CTNNA2: variants seen among roughly 807,000 people sequenced by gnomAD.
CTNNA2 encodes the protein catenin alpha-2.
In CTNNA2, 42 loss-of-function variants were observed where a neutral mutation model predicts 101.0. That is an observed-to-expected ratio of 0.42 (90% CI 0.32 to 0.54). The LOEUF (loss-of-function observed/expected upper bound fraction) is 0.54. Ranked by LOEUF, CTNNA2 falls within the 20% of genes least tolerant of loss-of-function variation. The pLI, the probability that CTNNA2 is intolerant of heterozygous loss-of-function variation, is 0.14. For synonymous variants in CTNNA2, 450 were observed against 456.4 expected (o/e 0.99, Z 0.18); for missense variants, 871 against 1,223.1 (o/e 0.71, Z 4.29).
intron 3 of CTNNA2, among the ~76,000 whole-genome samples, chr2:79,351,346 T>G (rs1353330852): frequency 6.6e-6 from 1 of 152,192 alleles, no homozygotes; most frequent in Non-Finnish European, 1.5e-5. Flanking sequence ...GGGAGTCTAG[T>G]TTCATTCTCC....
intron 4 of CTNNA2, chr2:79,493,950 A>C (rs1478712079): frequency 6.6e-6 from 1 of 152,198 alleles, no homozygotes; most frequent in Non-Finnish European, 1.5e-5. Flanking sequence ...AAAAAGTATT[A>C]AAATAATAAA....
intron 7 of CTNNA2, among the ~76,000 whole-genome samples, chr2:80,323,859 A>C (rs1678969952): frequency 6.6e-6 from 1 of 152,112 alleles, no homozygotes; most frequent in Non-Finnish European, 1.5e-5. Context: ...AACTCTTTAC[A>C]AGGAATTTGC....
intron 3 of CTNNA2, among the ~76,000 whole-genome samples, chr2:79,822,126 A>G (rs1013693399): frequency 2.6e-5 from 4 of 152,132 alleles, no homozygotes; most frequent in Non-Finnish European, 4.4e-5. Flanking sequence ...AGAAAGTTGT[A>G]CTAATACTAA....
At chr2:79,742,468 G>C (rs1387101008) in intron 2 of CTNNA2, among the ~76,000 whole-genome samples, 1 of 152,184 alleles carries the variant, frequency 6.6e-6, no homozygotes, top group Non-Finnish European at 1.5e-5. Flanking sequence ...AAATGCAGAT[G>C]GTAGAGATGG....
At chr2:79,605,989 T>C (rs1299138902) in intron 1 of CTNNA2, among the ~76,000 whole-genome samples, 1 of 151,980 alleles carries the variant, frequency 6.6e-6, no homozygotes, top group East Asian at 1.9e-4. Flanking sequence ...ATTTTTAAAA[T>C]GCTGAAAGAA....
At chr2:80,260,264 A>G (rs1195912130) in intron 7 of CTNNA2, among the ~76,000 whole-genome samples, 1 of 152,222 alleles carries the variant, frequency 6.6e-6, no homozygotes, top group East Asian at 1.9e-4. Flanking sequence ...ACGACCTGGA[A>G]GATTGATGTT....
At chr2:80,549,191 T>C (rs1003052047) in intron 11 of CTNNA2, among the ~76,000 whole-genome samples, 1 of 152,232 alleles carries the variant, frequency 6.6e-6, no homozygotes, top group African/African-American at 2.4e-5. Context: ...CAATTTTTAA[T>C]AGTATTTTAA....
At chr2:79,286,820 A>G (rs1281040760) in intron 2 of CTNNA2, among the ~76,000 whole-genome samples, 4 of 152,078 alleles carry the variant, frequency 2.6e-5, no homozygotes, top group Non-Finnish European at 5.9e-5. Context: ...AGATTGGGGA[A>G]GTTCTCCTGG....
At chr2:80,599,584 G>C (rs1242032992) in intron 15 of CTNNA2, among the ~76,000 whole-genome samples, 1 of 152,022 alleles carries the variant, frequency 6.6e-6, no homozygotes, top group Non-Finnish European at 1.5e-5. Flanking sequence ...TTCTGTTCAT[G>C]ATGTGGGGAA....
intron 2 of CTNNA2, among the ~76,000 whole-genome samples, chr2:79,218,589 T>C (rs1429035297): frequency 1.3e-5 from 2 of 152,110 alleles, no homozygotes; most frequent in South Asian, 2.1e-4. Context: ...ACAATATAAG[T>C]GTTGCCAGTT....
At chr2:79,298,716 A>C (rs536288608) in intron 2 of CTNNA2, among the ~76,000 whole-genome samples, 1 of 152,242 alleles carries the variant, frequency 6.6e-6, no homozygotes, top group South Asian at 2.1e-4. Context: ...TCTTATCCCC[A>C]AGTCAAAAAT....
At chr2:80,365,842 G>A (rs1034658982) in intron 7 of CTNNA2, among the ~76,000 whole-genome samples, 4 of 152,166 alleles carry the variant, frequency 2.6e-5, no homozygotes, top group Non-Finnish European at 4.4e-5. Context: ...CCCTACAGTA[G>A]CATTGTAATT....
At chr2:80,151,616 C>G (rs934453667) in intron 7 of CTNNA2, among the ~76,000 whole-genome samples, 1 of 152,182 alleles carries the variant, frequency 6.6e-6, no homozygotes, top group Non-Finnish European at 1.5e-5. Context: ...AAGATCTCTG[C>G]CATTGTCTTA....
At chr2:80,646,641 G>A (rs1047740242) in intron 18 of CTNNA2, among the ~76,000 whole-genome samples, 2 of 151,816 alleles carry the variant, frequency 1.3e-5, no homozygotes, top group African/African-American at 2.4e-5. Flanking sequence ...AGAAGATATT[G>A]AATGATCTAG....
chr2:80,043,087 CTTTCTT>C (rs1170681963), intron 7 of CTNNA2, among the ~76,000 whole-genome samples: 490 of 17,404 alleles, frequency 0.028, 7 homozygotes, highest in Non-Finnish European at 0.036. Context: ...TTCTTTCTTT[CTTTCTT>C]TCTCTCTCTC....
At chr2:79,789,257 T>C (rs916670653) in intron 3 of CTNNA2, among the ~76,000 whole-genome samples, 1 of 152,038 alleles carries the variant, frequency 6.6e-6, no homozygotes, top group Non-Finnish European at 1.5e-5. Context: ...GGTCTATAAA[T>C]GTGAAAGGCT....
intron 7 of CTNNA2, among the ~76,000 whole-genome samples, chr2:80,035,180 G>A (rs1672568514): frequency 6.6e-6 from 1 of 152,096 alleles, no homozygotes; most frequent in Non-Finnish European, 1.5e-5. Context: ...ACATAAAGAG[G>A]AGTGTGTGTA....
intron 3 of CTNNA2, among the ~76,000 whole-genome samples, chr2:79,340,833 C>CAAAAAAAAAAAAAAAAAAAAAAAAA (rs56276462): frequency 1.2e-4 from 4 of 32,532 alleles, no homozygotes; most frequent in Non-Finnish European, 2.1e-4. Context: ...GACTCAGTCT[C>CAAAAAAAAAAAAAAAAAAAAAAAAA]AAAAAAAAAA....
At chr2:79,899,868 G>A (rs182028075) in intron 6 of CTNNA2, among the ~76,000 whole-genome samples, 1 of 152,222 alleles carries the variant, frequency 6.6e-6, no homozygotes, top group East Asian at 1.9e-4. Flanking sequence ...TTCATTCCTA[G>A]TGCTACCCCA....
Sources: allele counts gnomAD v4.1 joint callset (sites outside exome capture counted in the v4.1 genomes callset), GRCh38; gene constraint gnomAD v4.1.1; transcripts MANE v1.5; gene names NCBI Gene and HGNC (gene_info 2026-07-23, HGNC 2026-07-21).